The following DSG1 variants were observed in gnomAD, a reference collection of about 807,000 sequenced individuals.
DSG1 encodes desmoglein-1.
DSG1 carries 39 observed loss-of-function variants against 97.5 expected under a neutral mutation model. The ratio of observed to expected loss-of-function variants is 0.40; its 90% CI spans 0.31 to 0.52. The LOEUF (loss-of-function observed/expected upper bound fraction) is 0.52. Ranked by LOEUF, DSG1 falls within the 20% of genes least tolerant of loss-of-function variation. The pLI is 0.53. For missense variants in DSG1, 1,311 were observed against 1,295.4 expected (o/e 1.01, Z -0.18); for synonymous variants, 475 against 443.4 (o/e 1.07, Z -0.90).
chr18:31,338,480 C>A lies in DSG1; in HGVS notation c.1405+26C>A, dbSNP rs767477616. ...GTAAGAAATTAATTTACATTTTTAT[C>A]TTTTCTAGAGAAAGCTGTATATACC... On this transcript the variant is annotated intron_variant, in intron 10 of 14. Transcript: ENST00000257192. 1.0e-4 allele frequency: 164 copies of A among 1,607,562 alleles called. 1 individual carries two copies. The Admixed American group carries it at 2.7e-3, about 26-fold the overall frequency.
chr18:31,335,989 G>A (rs901366859), intron 8 of DSG1, among the ~76,000 whole-genome samples: 6 of 151,778 alleles, frequency 4.0e-5, no homozygotes, highest in African/African-American at 1.2e-4. Context: ...GTAATAAATA[G>A]CTACTTTCTG....
chr18:31,318,676 G>C (rs966660804), intron 1 of DSG1, among the ~76,000 whole-genome samples: 1 of 151,930 alleles, frequency 6.6e-6, no homozygotes, highest in South Asian at 2.1e-4. Flanking sequence ...TTCTGCAAGA[G>C]GGCTTTTAAA....
intron 14 of DSG1, among the ~76,000 whole-genome samples, chr18:31,352,607 C>G (rs2071908412): frequency 1.3e-5 from 2 of 149,748 alleles, no homozygotes; most frequent in African/African-American, 5.1e-5. Flanking sequence ...TTAGGTACAC[C>G]AATCAGACGT....
rs368475528 is a variant in DSG1 at position 31,354,261 on chromosome 18, T to A, written c.2101-36T>A. 3 of 1,573,802 alleles carry A rather than the reference T, an allele frequency of 1.9e-6. No homozygotes were observed. In the East Asian group the frequency reaches 6.7e-5, roughly 35 times the overall value. On this transcript the variant is annotated intron_variant, in intron 14 of 14. Coordinates refer to ENST00000257192, the MANE Select transcript of DSG1 (RefSeq NM_001942.4). ...TGTTCTATTATTGTTAAATATGCATTCATAATTTCATTTTCTCTTTCTCCT... is the reference window on the plus strand; with the variant it reads ...TGTTCTATTATTGTTAAATATGCATACATAATTTCATTTTCTCTTTCTCCT...
chr18:31,321,171 T>G (rs549386908), intron 1 of DSG1, among the ~76,000 whole-genome samples: 1 of 152,108 alleles, frequency 6.6e-6, no homozygotes, highest in East Asian at 1.9e-4. Flanking sequence ...CGAACTGAAA[T>G]TCTGTAAAAT....
chr18:31,325,202 A>T (rs997892444), intron 1 of DSG1, among the ~76,000 whole-genome samples: 1 of 152,186 alleles, frequency 6.6e-6, no homozygotes, highest in Non-Finnish European at 1.5e-5. Context: ...GTCTGACTGT[A>T]TGGTGAAAGC....
At chr18:31,351,001 C>A (rs2071891196) in intron 14 of DSG1, among the ~76,000 whole-genome samples, 1 of 149,536 alleles carries the variant, frequency 6.7e-6, no homozygotes, top group Non-Finnish European at 1.5e-5. Flanking sequence ...TATTTCTTGC[C>A]TTCTGCTAGC....
chr18:31,343,831 A>G, intron 12 of DSG1, 95 bp from the exon 13 acceptor site: 1 of 1,203,960 alleles, frequency 8.3e-7, no homozygotes, highest in Non-Finnish European at 1.2e-6. Context: ...TTTTTAGGAA[A>G]TCTGAGGTAA....
intron 5 of DSG1, among the ~76,000 whole-genome samples, chr18:31,331,160 C>G (rs182819897): frequency 6.6e-6 from 1 of 152,118 alleles, no homozygotes; most frequent in African/African-American, 2.4e-5. Flanking sequence ...TTGCACTTGA[C>G]GAAGGATCAC....
chr18:31,353,550 C>T (rs1182193776), intron 14 of DSG1, among the ~76,000 whole-genome samples: 16 of 152,194 alleles, frequency 1.1e-4, no homozygotes, highest in African/African-American at 2.9e-4. Flanking sequence ...TGGGCAATGG[C>T]GGGCGCCCCT....
intron 6 of DSG1, among the ~76,000 whole-genome samples, chr18:31,332,726 T>C (rs933092481): frequency 1.3e-5 from 2 of 152,166 alleles, no homozygotes; most frequent in African/African-American, 2.4e-5. Context: ...TTTAGGATAA[T>C]TCATATTATT....
chr18:31,340,553 CAAAA>C (rs202063226), intron 11 of DSG1, among the ~76,000 whole-genome samples: 2 of 93,238 alleles, frequency 2.1e-5, no homozygotes, highest in African/African-American at 3.6e-5. Flanking sequence ...GGTTCAGTCT[CAAAA>C]AAAAAAAAAA....
intron 8 of DSG1, among the ~76,000 whole-genome samples, chr18:31,334,952 T>G (rs1484553455): frequency 6.6e-6 from 1 of 152,194 alleles, no homozygotes; most frequent in Non-Finnish European, 1.5e-5. Context: ...CAACAGCTGT[T>G]TATGGATTGT....
chr18:31,346,008 A>C lies in DSG1; in HGVS notation c.1910A>C (p.Tyr637Ser). ...IDNSGVYTNE[Y>S]GGREMQDLGG... ...CTTTTAGGAGTTTATACAAATGAGT[A>C]TGGTGGCAGAGAAATGCAAGATCTG... Residue 637 changes from tyrosine to serine, a missense_variant, in exon 14 of 15, where the codon TAT becomes TCT. Around this residue, in one of 3 missense-constraint regions of DSG1, gnomAD observed 1,038 missense variants for 964.6 expected, o/e 1.08. Transcript: ENST00000257192. 6.2e-7 allele frequency: 1 copy of C among 1,613,738 alleles called. No individual in the cohort carries two copies. The highest frequency in any genetic ancestry group is 8.5e-7 in the Non-Finnish European group (1 of 1,179,708).
chr18:31,320,201 T>C (rs2071644720), intron 1 of DSG1, among the ~76,000 whole-genome samples: 1 of 152,176 alleles, frequency 6.6e-6, no homozygotes, highest in Non-Finnish European at 1.5e-5. Context: ...TAAAATACTT[T>C]TTTTCTTCAT....
chr18:31,340,569 A>G (rs11874377), intron 11 of DSG1, among the ~76,000 whole-genome samples: 1,567 of 151,478 alleles, frequency 0.01, 37 homozygotes, highest in African/African-American at 0.036. Flanking sequence ...AAAAAAAAAG[A>G]AAAGAAAAGG....
chr18:31,334,259 A>G (rs2144096294), intron 8 of DSG1, 57 bp downstream of exon 8: 2 of 1,258,340 alleles, frequency 1.6e-6, no homozygotes, highest in Middle Eastern at 2.7e-4. Flanking sequence ...AAAATGTTAA[A>G]CTTAAAATAA....
At chr18:31,353,438 G>A (rs2071919511) in intron 14 of DSG1, among the ~76,000 whole-genome samples, 1 of 151,622 alleles carries the variant, frequency 6.6e-6, no homozygotes, top group Non-Finnish European at 1.5e-5. Flanking sequence ...TCTGTGCCCT[G>A]CCCCCAGAGG....
chr18:31,343,137 C>T (rs1056113300), intron 11 of DSG1, among the ~76,000 whole-genome samples: 1 of 152,064 alleles, frequency 6.6e-6, no homozygotes, highest in African/African-American at 2.4e-5. Flanking sequence ...GTCTCAAGCT[C>T]CTGGGCTCTA....
Sources: gnomAD v4.1 joint callset for allele counts (sites outside exome capture counted in the v4.1 genomes callset) on GRCh38, gnomAD v4.1.1 for gene constraint, gnomAD v4.1.1 regional missense constraint, MANE v1.5 for transcripts, NCBI Gene and HGNC (gene_info 2026-07-23, HGNC 2026-07-21) for gene names.